The following SMARCA4 variants were observed in gnomAD, a reference collection of about 807,000 sequenced individuals.
SMARCA4 encodes the protein SWI/SNF-related matrix-associated actin-dependent regulator of chromatin subfamily A member 4.
SMARCA4 carries 31 observed loss-of-function variants against 193.9 expected under a neutral mutation model. The ratio of observed to expected loss-of-function variants is 0.16; its 90% CI spans 0.12 to 0.22. The LOEUF (loss-of-function observed/expected upper bound fraction) is 0.22, where lower values mean the gene tolerates loss of function less well. Among genes scored for constraint, SMARCA4 ranks in the 10% least tolerant of loss-of-function variants. The pLI, the probability that SMARCA4 is intolerant of heterozygous loss-of-function variation, is 1.00. For synonymous variants in SMARCA4, 942 were observed against 933.1 expected, an observed-to-expected ratio of 1.01 and a Z score of -0.17; for missense variants, 1,148 against 2,296.0, an observed-to-expected ratio of 0.50 and a Z score of 10.22.
At chr19:10,989,289 C>G (rs113425538) in intron 6 of SMARCA4, 28 bp from the exon 7 acceptor site, 1 of 1,613,404 alleles carries the variant, frequency 6.2e-7, no homozygotes, top group Non-Finnish European at 8.5e-7. Context: ...ACCCTCTCAC[C>G]GCCTTTGCTC....
At chr19:11,044,380 T>A (rs1481660337) in intron 30 of SMARCA4, among the ~76,000 whole-genome samples, 1 of 152,166 alleles carries the variant, frequency 6.6e-6, no homozygotes, top group African/African-American at 2.4e-5. Context: ...CTGAAATTAA[T>A]AACATCTGTT....
At position 11,058,174 on chromosome 19, in the gene SMARCA4, A is replaced by G; in HGVS notation, c.4425-81A>G. 1.2e-6 allele frequency: 1 copy of G among 860,590 alleles called. No individual in the cohort carries two copies. Among genetic ancestry groups the G allele is most frequent in the Admixed American group, 1.7e-5 (1 of 58,208 alleles). The allele number at this position is 860,590 out of a possible 1,614,324, so 53.3% of individuals were successfully genotyped here. A position where few individuals can be genotyped will look rare whatever the true frequency, so the allele number is the denominator to read the frequency against. ...GAGTTGGAATTTCTCATCCTTAAAC[A>G]ATGTGGGAACCTGCTGAGGTGGGGT... On this transcript the variant is annotated intron_variant, in intron 30 of 34. Coordinates refer to ENST00000344626, the MANE Select transcript of SMARCA4 (RefSeq NM_003072.5). The surrounding 1 kb of genome is among the most constrained non-coding windows in gnomAD (Gnocchi z 5.8).
In SMARCA4 at chr19:11,034,041, G is replaced by T; in HGVS notation, c.3874-82G>T. On this transcript the variant is annotated intron_variant, in intron 27 of 34. Transcript: ENST00000344626. This position sits in a 1 kb window ranked among gnomAD's most constrained non-coding sequence, Gnocchi z 7.0. ...GCCGGGACCACCAGCTCATTCCCAC[G>T]GACGCCGCCGCTCGCCTCTGAGCTC... 1 of 1,071,762 alleles carries T rather than the reference G, an allele frequency of 9.3e-7. No homozygotes were observed. The highest frequency in any genetic ancestry group is 1.5e-6 in the Non-Finnish European group (1 of 688,792). 66.4% of individuals were successfully genotyped at this position (1,071,762 alleles called of 1,614,324 possible). A position where few individuals can be genotyped will look rare whatever the true frequency, so the allele number is the denominator to read the frequency against.
intron 25 of SMARCA4, chr19:11,032,941 C>T: frequency 2.5e-6 from 1 of 398,452 alleles, no homozygotes; most frequent in East Asian, 5.4e-5. Flanking sequence ...GTAAATGGTG[C>T]TCGACTGTGT....
rs746579377 is a variant in SMARCA4, at chr19:11,003,389, G to C, written c.1993G>C (p.Glu665Gln). ...SDSEESGSEEEEEEEEEEQPQ... is the reference protein window; with the variant it reads ...SDSEESGSEEQEEEEEEEQPQ... ...TAGTGAAGAAAGTGGCTCAGAAGAAGAGGAAGAGGTAAGAGTGCATTTCCT... is the reference window on the plus strand; with the variant it reads ...TAGTGAAGAAAGTGGCTCAGAAGAACAGGAAGAGGTAAGAGTGCATTTCCT... The change falls in exon 13 of 35, where the codon GAG becomes CAG. Residue 665 changes from glutamate (E) to glutamine (Q), a missense_variant. Physicochemically the swap from Glu to Gln is conservative, Grantham distance 29. Around this residue, in one of 17 missense-constraint regions of SMARCA4, gnomAD observed 115 missense variants for 175.1 expected, o/e 0.66. Transcript: ENST00000344626. 1 of 1,613,986 alleles carries C rather than the reference G, an allele frequency of 6.2e-7. No homozygotes were observed. The highest frequency in any genetic ancestry group is 8.5e-7 in the Non-Finnish European group (1 of 1,179,822).
intron 14 of SMARCA4, among the ~76,000 whole-genome samples, chr19:11,008,742 G>A (rs944074229): frequency 1.3e-5 from 2 of 152,132 alleles, no homozygotes; most frequent in African/African-American, 4.8e-5. Flanking sequence ...GGGAGGCCAA[G>A]GCAGGTGGAT....
intron 1 of SMARCA4, among the ~76,000 whole-genome samples, chr19:10,966,866 C>G (rs1015617890): frequency 7.0e-6 from 1 of 142,934 alleles, no homozygotes; most frequent in African/African-American, 2.6e-5. Flanking sequence ...CCAGCCTGGG[C>G]GACAGAGCAA....
chr19:11,026,807 C>A (rs891199105), intron 23 of SMARCA4, among the ~76,000 whole-genome samples: 2 of 152,148 alleles, frequency 1.3e-5, no homozygotes, highest in Non-Finnish European at 2.9e-5. Context: ...CCCCATTATA[C>A]AAATCTTTAG....
intron 7 of SMARCA4, among the ~76,000 whole-genome samples, chr19:10,990,765 C>T (rs1236391425): frequency 1.3e-5 from 2 of 152,168 alleles, no homozygotes; most frequent in African/African-American, 4.8e-5. Context: ...CTCCATGTTG[C>T]CCAGGTTGGT....
At position 11,059,739 on chromosome 19, in the gene SMARCA4, G is replaced by C. The variant is rs942701381; in HGVS notation, c.4636-14G>C. The stretch of plus-strand genomic sequence containing the variant: ...TCGGGCCCATCCACTCAAGCCCCTG[G>C]TGTCTCTGCCCAGATCTATGAAGAC... On this transcript the variant is annotated splice_polypyrimidine_tract_variant and intron_variant, in intron 32 of 34. Coordinates refer to ENST00000344626, the MANE Select transcript of SMARCA4 (RefSeq NM_003072.5). The C allele has an allele frequency of 4.5e-6, 7 of 1,557,602 alleles. No individual in the cohort carries two copies. The African/African-American group carries it at 9.6e-5, about 21-fold the overall frequency.
intron 16 of SMARCA4, chr19:11,018,384 C>G: frequency 4.2e-6 from 1 of 240,290 alleles, no homozygotes; most frequent in Non-Finnish European, 8.3e-6. Flanking sequence ...CTCCCTCATT[C>G]CAGCCCTGGT....
intron 14 of SMARCA4, among the ~76,000 whole-genome samples, chr19:11,009,687 C>CTT (rs1275036196): frequency 2.0e-4 from 25 of 126,378 alleles, no homozygotes; most frequent in South Asian, 2.6e-4. Flanking sequence ...GCCCGGCTAA[C>CTT]TTTTTTTTTT....
At chr19:10,996,433 T>A (rs543708223) in intron 10 of SMARCA4, 53 bp downstream of exon 10, 2 of 1,613,690 alleles carry the variant, frequency 1.2e-6, no homozygotes, top group East Asian at 4.5e-5. Context: ...AGCAGCCGTC[T>A]TCACGTGTGT....
rs2076704090 is a variant in SMARCA4 at position 11,058,995 on chromosome 19, C to T, written c.4635+106C>T. ...ATTGATGGGTTAAAAACAAGTCCCG[C>T]TAGCTGTGGTGGTTCGTGCCTGTAA... On this transcript the variant is annotated intron_variant, in intron 32 of 34. Transcript: ENST00000344626. This position sits in a 1 kb window ranked among gnomAD's most constrained non-coding sequence, Gnocchi z 5.8. 1.1e-6 allele frequency: 1 copy of T among 898,784 alleles called. No homozygotes were observed. Among genetic ancestry groups the T allele is most frequent in the Non-Finnish European group, 1.8e-6 (1 of 562,678 alleles). 55.7% of individuals were successfully genotyped at this position (898,784 alleles called of 1,614,324 possible). A position where few individuals can be genotyped will look rare whatever the true frequency, so the allele number is the denominator to read the frequency against.
At chr19:11,048,715 TC>T (rs770991670) in intron 30 of SMARCA4, among the ~76,000 whole-genome samples, 12 of 152,226 alleles carry the variant, frequency 7.9e-5, no homozygotes, top group Non-Finnish European at 1.6e-4. Flanking sequence ...GGGACGCCCT[TC>T]CTGTCAGGTG....
chr19:10,976,649 C>T (rs1046148305), intron 1 of SMARCA4, among the ~76,000 whole-genome samples: 6 of 150,332 alleles, frequency 4.0e-5, no homozygotes, highest in African/African-American at 9.8e-5. Flanking sequence ...CCCAGCTACT[C>T]GGGAAGTTGA....
intron 32 of SMARCA4, 110 bp from the exon 33 acceptor site, chr19:11,059,643 G>T: frequency 7.9e-7 from 1 of 1,269,118 alleles, no homozygotes; most frequent in South Asian, 1.3e-5. Flanking sequence ...ATTGGCCACT[G>T]ATCAGCTGTC....
At chr19:11,009,258 G>C (rs2088577293) in intron 14 of SMARCA4, among the ~76,000 whole-genome samples, 1 of 151,838 alleles carries the variant, frequency 6.6e-6, no homozygotes, top group Non-Finnish European at 1.5e-5. Flanking sequence ...TTGACCTCAT[G>C]ATCTACCCAC....
intron 1 of SMARCA4, among the ~76,000 whole-genome samples, chr19:10,971,618 A>G (rs1252150510): frequency 6.6e-6 from 1 of 151,666 alleles, no homozygotes; most frequent in African/African-American, 2.4e-5. Flanking sequence ...CTGGGACTAC[A>G]GCCGCATGCC....
Sources: allele counts gnomAD v4.1 joint callset (sites outside exome capture counted in the v4.1 genomes callset), GRCh38; gene constraint gnomAD v4.1.1; regional missense constraint gnomAD v4.1.1; non-coding constraint Gnocchi (gnomAD v3.1); transcripts MANE v1.5; gene names NCBI Gene and HGNC (gene_info 2026-07-23, HGNC 2026-07-21).